The following AIM2 variants were observed in gnomAD, a reference collection of about 807,000 sequenced individuals.
AIM2 encodes absent in melanoma 2, also known as interferon-inducible protein AIM2.
A neutral mutation model predicts 27.7 loss-of-function variants in AIM2; 30 were observed. The ratio of observed to expected loss-of-function variants is 1.08; its 90% CI spans 0.81 to 1.47. The LOEUF is 1.47. AIM2 is among the 40% of genes most tolerant of loss of function. The probability of loss-of-function intolerance (pLI) is 0.00; values close to 1 mark genes in which losing one functional copy is unlikely to be tolerated. For missense variants in AIM2, 358 were observed against 411.3 expected (o/e 0.87, Z 1.12); for synonymous variants, 141 against 145.3 (o/e 0.97, Z 0.21).
chr1:159,098,004 C>G (rs1283051251), intron 1 of AIM2, among the ~76,000 whole-genome samples: 1 of 152,118 alleles, frequency 6.6e-6, no homozygotes, highest in Non-Finnish European at 1.5e-5. Flanking sequence ...TGGTATAGTT[C>G]AGAGTTGAGT....
intron 1 of AIM2, among the ~76,000 whole-genome samples, chr1:159,135,599 G>A (rs921006909): frequency 6.6e-5 from 10 of 152,128 alleles, no homozygotes; most frequent in East Asian, 5.8e-4. Context: ...AAAAAGCACC[G>A]TTAGAAGTTT....
At chr1:159,074,807 T>G (rs1656528377) in intron 1 of AIM2, among the ~76,000 whole-genome samples, 1 of 152,138 alleles carries the variant, frequency 6.6e-6, no homozygotes, top group Non-Finnish European at 1.5e-5. Flanking sequence ...TAAAACTTTA[T>G]TGGGAGATTT....
chr1:159,075,354 A>T lies in AIM2; in HGVS notation c.-21+1279T>A, dbSNP rs1445814421. Among the ~76,000 whole-genome samples the T allele has an allele frequency of 2.6e-5, 4 of 152,094 alleles. No individual in the cohort carries two copies. The East Asian group carries it at 7.7e-4, about 29-fold the overall frequency. ...AATAAAACACAGAATTTCTCAATAC[A>T]TTGAAGTAGAAGGAGGTTCCTTAAA... On this transcript the variant is annotated intron_variant, in intron 1 of 5. Transcript: ENST00000368130.
At chr1:159,107,987 G>C (rs930701611) in intron 1 of AIM2, among the ~76,000 whole-genome samples, 8 of 152,062 alleles carry the variant, frequency 5.3e-5, no homozygotes, top group Admixed American at 4.6e-4. Flanking sequence ...AAGAAAATTT[G>C]GTACCAATTC....
chr1:159,089,730 A>C (rs553259259), intron 1 of AIM2, among the ~76,000 whole-genome samples: 13 of 152,342 alleles, frequency 8.5e-5, no homozygotes, highest in African/African-American at 1.7e-4. Context: ...TGAGTCCCAG[A>C]ATCACACAAT....
intron 1 of AIM2, among the ~76,000 whole-genome samples, chr1:159,107,007 C>T (rs1657463767): frequency 6.6e-6 from 1 of 152,176 alleles, no homozygotes; most frequent in Non-Finnish European, 1.5e-5. Context: ...CATATAGATG[C>T]TTCTATAGGA....
intron 1 of AIM2, among the ~76,000 whole-genome samples, chr1:159,103,737 T>C (rs1657362772): frequency 6.6e-6 from 1 of 152,222 alleles, no homozygotes; most frequent in Non-Finnish European, 1.5e-5. Flanking sequence ...ACACCTCTCC[T>C]TTCTTCTCAC....
upstream of AIM2, among the ~76,000 whole-genome samples, chr1:159,078,309 T>C (rs1057309480): frequency 1.3e-5 from 2 of 152,212 alleles, no homozygotes; most frequent in African/African-American, 4.8e-5. Context: ...CTGCATCCAC[T>C]TCACCTGACA....
At chr1:159,056,739 A>AAAAC in the AIM2 span, among the ~76,000 whole-genome samples, 1 of 147,984 alleles carries the variant, frequency 6.8e-6, no homozygotes, top group Admixed American at 6.7e-5. Flanking sequence ...AAAAAAAAAA[A>AAAAC]AAAAAAAAAC....
chr1:159,057,059 A>G, the AIM2 span, among the ~76,000 whole-genome samples: 3 of 152,186 alleles, frequency 2.0e-5, no homozygotes, highest in Non-Finnish European at 4.4e-5. Flanking sequence ...TCTTCCTAGC[A>G]GATACCCATG....
chr1:159,056,989 G>A, the AIM2 span, among the ~76,000 whole-genome samples: 1 of 152,178 alleles, frequency 6.6e-6, no homozygotes, highest in Non-Finnish European at 1.5e-5. Context: ...AAGGGGTACA[G>A]ATTGAAAATG....
Position 159,066,137 on chromosome 1 carries a change from G to T in AIM2, c.589C>A (p.Leu197Met). Residue 197 changes from leucine (L) to methionine (M), a missense_variant, in exon 4 of 6, where the codon CTG (leucine) becomes ATG (methionine). Physicochemically the swap from Leu to Met is conservative, Grantham distance 15. Transcript: ENST00000368130. ...CTCTTTGGAATGAATTTATCTTTCA[G>T]CAGTGTATTAAAAACTTTTACAAAG... ...FFFVKVFNTL[L>M]KDKFIPKRII... is the part of the protein sequence containing the mutation. 1 of 1,614,170 alleles carries T rather than the reference G, an allele frequency of 6.2e-7. No homozygotes were observed. The highest frequency in any genetic ancestry group is 8.5e-7 in the Non-Finnish European group (1 of 1,180,016).
intron 1 of AIM2, among the ~76,000 whole-genome samples, chr1:159,128,580 T>G (rs993898349): frequency 1.3e-5 from 2 of 152,192 alleles, no homozygotes; most frequent in Non-Finnish European, 2.9e-5. Context: ...TGGCCTTCCA[T>G]GGAAAGCCAC....
intron 2 of AIM2, among the ~76,000 whole-genome samples, chr1:159,071,267 A>G (rs1468906780): frequency 6.6e-6 from 1 of 152,232 alleles, no homozygotes; most frequent in East Asian, 1.9e-4. Context: ...GTAGAATAGC[A>G]TATAGCACTC....
downstream of AIM2, among the ~76,000 whole-genome samples, chr1:159,060,315 A>C (rs1482705219): frequency 1.3e-5 from 2 of 152,152 alleles, no homozygotes; most frequent in Non-Finnish European, 2.9e-5. Context: ...TTTCTTATTT[A>C]TTATAAAAGC....
chr1:159,138,736 A>C (rs914783566), intron 1 of AIM2, among the ~76,000 whole-genome samples: 21 of 152,334 alleles, frequency 1.4e-4, no homozygotes, highest in African/African-American at 5.1e-4. Context: ...TATATAATTT[A>C]TAGTCAATTG....
chr1:159,110,797 C>T (rs182260766), intron 1 of AIM2, among the ~76,000 whole-genome samples: 43 of 152,298 alleles, frequency 2.8e-4, no homozygotes, highest in Admixed American at 1.6e-3. Context: ...TCACTGCACA[C>T]ATATTAATTT....
chr1:159,126,097 A>AT (rs1647677054), intron 1 of AIM2, among the ~76,000 whole-genome samples: 1 of 152,292 alleles, frequency 6.6e-6, no homozygotes, highest in East Asian at 1.9e-4. Context: ...TCTGCCTCTA[A>AT]CTTGAATCTC....
At chr1:159,127,607 A>G (rs1647755787) in intron 1 of AIM2, among the ~76,000 whole-genome samples, 1 of 152,242 alleles carries the variant, frequency 6.6e-6, no homozygotes, top group African/African-American at 2.4e-5. Context: ...CAGCAAAACT[A>G]TTCCCTGTTG....
Sources: allele counts gnomAD v4.1 joint callset (sites outside exome capture counted in the v4.1 genomes callset), GRCh38; gene constraint gnomAD v4.1.1; transcripts MANE v1.5; gene names NCBI Gene and HGNC (gene_info 2026-07-23, HGNC 2026-07-21).